The following PEAK1 variants were observed in gnomAD, a reference collection of about 807,000 sequenced individuals.
PEAK1 encodes inactive tyrosine-protein kinase PEAK1.
A neutral mutation model predicts 124.7 loss-of-function variants in PEAK1; 54 were observed. The ratio of observed to expected loss-of-function variants is 0.43; its 90% CI spans 0.35 to 0.54. The LOEUF (loss-of-function observed/expected upper bound fraction) is 0.54. Ranked by LOEUF, PEAK1 falls within the 20% of genes least tolerant of loss-of-function variation. The probability of loss-of-function intolerance (pLI) is 0.01; values close to 1 mark genes in which losing one functional copy is unlikely to be tolerated. For missense variants in PEAK1, 2,046 were observed against 2,134.5 expected, an observed-to-expected ratio of 0.96 and a Z score of 0.82; for synonymous variants, 719 against 760.0, an observed-to-expected ratio of 0.95 and a Z score of 0.89.
chr15:77,340,732 C>T (rs1170126570), intron 2 of PEAK1, among the ~76,000 whole-genome samples: 2 of 152,218 alleles, frequency 1.3e-5, no homozygotes, highest in African/African-American at 2.4e-5. Context: ...TCAATTCTGG[C>T]ACTAACCATC....
intron 1 of PEAK1, among the ~76,000 whole-genome samples, chr15:77,400,984 A>G (rs1360642321): frequency 6.6e-6 from 1 of 152,204 alleles, no homozygotes; most frequent in African/African-American, 2.4e-5. Flanking sequence ...TTCAAACACT[A>G]CATAACAATC....
intron 5 of PEAK1, among the ~76,000 whole-genome samples, chr15:77,266,832 AC>A (rs1170130269): frequency 2.0e-5 from 3 of 152,072 alleles, no homozygotes; most frequent in African/African-American, 7.2e-5. Flanking sequence ...TAATCCACAG[AC>A]CCTTTGAAGG....
chr15:77,256,555 T>C (rs1170206668), intron 5 of PEAK1, among the ~76,000 whole-genome samples: 1 of 152,040 alleles, frequency 6.6e-6, no homozygotes, highest in African/African-American at 2.4e-5. Context: ...TATATATGGT[T>C]TGCTAGGTAA....
rs932509329 is a variant in PEAK1, at chr15:77,109,784, T to C, written c.*4372A>G. ...GGAATTTTCAATCCTTGTCAACTAGTGAGGAGAATGAAAAACATGCCAGGG... is the reference window on the plus strand; with the variant it reads ...GGAATTTTCAATCCTTGTCAACTAGCGAGGAGAATGAAAAACATGCCAGGG... On this transcript the variant is annotated 3_prime_UTR_variant, in exon 10 of 10. Transcript: ENST00000682557. 1.3e-5 allele frequency: 2 copies of C among 152,324 alleles called. No homozygotes were observed. The highest frequency in any genetic ancestry group is 4.8e-5 in the African/African-American group (2 of 41,564). The allele number at this position is 152,324 out of a possible 1,614,324, so 9.4% of individuals were successfully genotyped here.
At chr15:77,337,330 T>G in intron 2 of PEAK1, 1 of 973,268 alleles carries the variant, frequency 1.0e-6, no homozygotes, top group Non-Finnish European at 1.2e-6. Flanking sequence ...TTTCATTTAT[T>G]TGAGAGGAGA....
At chr15:77,325,510 C>T (rs899770814) in intron 2 of PEAK1, among the ~76,000 whole-genome samples, 6 of 152,016 alleles carry the variant, frequency 3.9e-5, no homozygotes, top group Admixed American at 6.6e-5. Context: ...TGGAACTCAG[C>T]TGTCAAGCGC....
intron 5 of PEAK1, among the ~76,000 whole-genome samples, chr15:77,277,995 A>G (rs1487455503): frequency 6.6e-6 from 1 of 152,204 alleles, no homozygotes; most frequent in African/African-American, 2.4e-5. Context: ...ACCCTAATGT[A>G]AACTATGGGC....
chr15:77,155,669 A>C (rs986391679), intron 8 of PEAK1: 2 of 152,144 alleles, frequency 1.3e-5, no homozygotes, highest in Non-Finnish European at 2.9e-5. Flanking sequence ...TTTGGTGTGG[A>C]TGTCCTTTCT....
At chr15:77,205,845 C>CT (rs1258264440) in intron 6 of PEAK1, among the ~76,000 whole-genome samples, 5 of 151,360 alleles carry the variant, frequency 3.3e-5, no homozygotes, top group Non-Finnish European at 7.4e-5. Flanking sequence ...TTTTATTATA[C>CT]TTTAAGTTTT....
intron 6 of PEAK1, among the ~76,000 whole-genome samples, chr15:77,224,249 A>G (rs139665896): frequency 6.6e-6 from 1 of 151,938 alleles, no homozygotes; most frequent in Admixed American, 6.6e-5. Context: ...GTAAACTAAC[A>G]TTCTTAACAT....
chr15:77,245,580 TC>T (rs2060545683), intron 6 of PEAK1, among the ~76,000 whole-genome samples: 2 of 151,906 alleles, frequency 1.3e-5, no homozygotes, highest in African/African-American at 4.8e-5. Context: ...ACACCTGTAG[TC>T]CCAGCTACTT....
At chr15:77,342,405 C>CT (rs35640042) in intron 2 of PEAK1, among the ~76,000 whole-genome samples, 1,278 of 114,360 alleles carry the variant, frequency 0.011, 14 homozygotes, top group African/African-American at 0.015. Context: ...TACAGCATGT[C>CT]TTTTTTTTTT....
chr15:77,137,036 G>A (rs186600200), intron 8 of PEAK1, among the ~76,000 whole-genome samples: 6 of 152,354 alleles, frequency 3.9e-5, no homozygotes, highest in Non-Finnish European at 7.3e-5. Context: ...CTCAGGCTGT[G>A]GCTTCAGAGG....
intron 6 of PEAK1, among the ~76,000 whole-genome samples, chr15:77,247,480 C>CTTTTTT (rs1567162937): frequency 5.1e-5 from 4 of 78,272 alleles, no homozygotes; most frequent in African/African-American, 1.9e-4. Flanking sequence ...TTTTTCTTTT[C>CTTTTTT]TTTTCTTTTT....
intron 2 of PEAK1, among the ~76,000 whole-genome samples, chr15:77,288,241 C>T (rs1176762254): frequency 6.6e-6 from 1 of 152,180 alleles, no homozygotes; most frequent in Non-Finnish European, 1.5e-5. Context: ...CCTATCTCTT[C>T]AACTTTATTT....
chr15:77,289,144 G>C (rs2063084002), intron 2 of PEAK1, among the ~76,000 whole-genome samples: 1 of 152,076 alleles, frequency 6.6e-6, no homozygotes, highest in Non-Finnish European at 1.5e-5. Context: ...ATATGGCAAA[G>C]TTGACATTTA....
At chr15:77,371,013 A>G in intron 1 of PEAK1, 2 of 845,406 alleles carry the variant, frequency 2.4e-6, no homozygotes, top group Non-Finnish European at 2.8e-6. Flanking sequence ...CTGGCAACAG[A>G]GCAAGACTCC....
At chr15:77,282,898 T>G (rs2062743145) in intron 5 of PEAK1, among the ~76,000 whole-genome samples, 3 of 152,170 alleles carry the variant, frequency 2.0e-5, no homozygotes, top group African/African-American at 7.2e-5. Flanking sequence ...CTTCATCTTT[T>G]CCTTTAAGGC....
intron 2 of PEAK1, among the ~76,000 whole-genome samples, chr15:77,323,293 C>G (rs962000768): frequency 5.3e-5 from 8 of 151,664 alleles, no homozygotes; most frequent in Non-Finnish European, 8.9e-5. Flanking sequence ...GGCAATCAGG[C>G]AGGAGAAGGA....
Sources: allele counts gnomAD v4.1 joint callset (sites outside exome capture counted in the v4.1 genomes callset), GRCh38; gene constraint gnomAD v4.1.1; transcripts MANE v1.5; gene names NCBI Gene and HGNC (gene_info 2026-07-23, HGNC 2026-07-21).